LYRM4: variants seen among roughly 807,000 people sequenced by gnomAD.
LYRM4 encodes LYR motif-containing protein 4.
In LYRM4, 9 loss-of-function variants were observed where a neutral mutation model predicts 11.7. That is an observed-to-expected ratio of 0.77 (90% CI 0.46 to 1.34). LYRM4 has a LOEUF of 1.34. Ranked by LOEUF, LYRM4 falls within the 40% of genes most tolerant of loss-of-function variation. The probability of loss-of-function intolerance (pLI) is 0.00; values close to 1 mark genes in which losing one functional copy is unlikely to be tolerated. For synonymous variants in LYRM4, 42 were observed against 40.4 expected (o/e 1.04, Z -0.15); for missense variants, 133 against 112.5 (o/e 1.18, Z -0.82).
chr6:5,068,407 C>G, the LYRM4 span, among the ~76,000 whole-genome samples: 1 of 152,240 alleles, frequency 6.6e-6, no homozygotes, highest in Non-Finnish European at 1.5e-5. This position sits in a 1 kb window ranked among gnomAD's most constrained non-coding sequence, Gnocchi z 4.0. Flanking sequence ...CCACTGTTTA[C>G]TGTCCTGACT....
chr6:5,056,591 T>C, the LYRM4 span, among the ~76,000 whole-genome samples: 1 of 152,238 alleles, frequency 6.6e-6, no homozygotes, highest in African/African-American at 2.4e-5. Context: ...CAGCTTTTCT[T>C]ATCCAATAGC....
intron 1 of LYRM4, among the ~76,000 whole-genome samples, chr6:5,239,373 T>C (rs1316336356): frequency 1.3e-5 from 2 of 152,082 alleles, no homozygotes; most frequent in Non-Finnish European, 2.9e-5. Context: ...TGTGGAGTTT[T>C]AGTTTAGATA....
In LYRM4 at chr6:5,197,941, T is replaced by C. The variant is rs577112800; in HGVS notation, c.207+18677A>G. On this transcript the variant is annotated intron_variant, in intron 2 of 2. Transcript: ENST00000330636. ...AATCCAGCACTTTGGGAGGCTGAGG[T>C]GGGCGGATCACCTGAGGTCAGGAGT... Among the ~76,000 whole-genome samples the C allele has an allele frequency of 1.3e-3, 193 of 151,904 alleles. 1 individual carries two copies. Among genetic ancestry groups the C allele is most frequent in the African/African-American group, 4.3e-3 (180 of 41,456 alleles).
chr6:5,247,946 GA>G (rs1294744282), intron 1 of LYRM4, among the ~76,000 whole-genome samples: 1 of 152,272 alleles, frequency 6.6e-6, no homozygotes, highest in Non-Finnish European at 1.5e-5. Context: ...AAAACTGGAT[GA>G]AAAAGAGAGA....
chr6:5,089,288 C>G, the LYRM4 span: 1 of 152,136 alleles, frequency 6.6e-6, no homozygotes, highest in African/African-American at 2.4e-5. Flanking sequence ...GTCTGATATA[C>G]CATTTCTTAA....
At chr6:5,218,432 A>T in intron 1 of LYRM4, 1 of 970,386 alleles carries the variant, frequency 1.0e-6, no homozygotes, top group Non-Finnish European at 1.2e-6. Flanking sequence ...ATTGTTTCAG[A>T]TAAAGTTTTT....
chr6:5,224,964 A>G (rs1201287241), intron 1 of LYRM4, among the ~76,000 whole-genome samples: 2 of 147,390 alleles, frequency 1.4e-5, no homozygotes, highest in Non-Finnish European at 1.5e-5. Context: ...GTCTGAAAAA[A>G]TAGGCTGGGC....
chr6:5,175,865 A>G (rs1428214997), intron 2 of LYRM4, among the ~76,000 whole-genome samples: 1 of 152,128 alleles, frequency 6.6e-6, no homozygotes, highest in Non-Finnish European at 1.5e-5. Flanking sequence ...AGCCCCGGCC[A>G]CACAGACATT....
At chr6:5,203,248 G>T (rs1358926521) in intron 2 of LYRM4, among the ~76,000 whole-genome samples, 1 of 152,180 alleles carries the variant, frequency 6.6e-6, no homozygotes, top group African/African-American at 2.4e-5. Flanking sequence ...CTGAAGCTCT[G>T]ATTAGGCATA....
chr6:5,103,478 CG>C (rs1561797170), downstream of LYRM4: 1 of 152,196 alleles, frequency 6.6e-6, no homozygotes. Context: ...CATTTGATCA[CG>C]TGGGTTCAGA....
At chr6:5,053,888 A>G in the LYRM4 span, among the ~76,000 whole-genome samples, 2 of 152,166 alleles carry the variant, frequency 1.3e-5, no homozygotes, top group African/African-American at 4.8e-5. Context: ...AAAAAAAGCT[A>G]GAACTCATTC....
chr6:5,260,843 G>A lies in LYRM4; in HGVS notation c.-110C>T, dbSNP rs1765046503. 6.7e-7 allele frequency: 1 copy of A among 1,503,102 alleles called. No individual in the cohort carries two copies. The highest frequency in any genetic ancestry group is 8.8e-7 in the Non-Finnish European group (1 of 1,132,098). The allele number at this position is 1,503,102 out of a possible 1,614,324, so 93.1% of individuals were successfully genotyped here. A position where few individuals can be genotyped will look rare whatever the true frequency, so the allele number is the denominator to read the frequency against. The stretch of plus-strand genomic sequence containing the variant: ...ACCACGAACGAAATAAAATGCTGCG[G>A]CTCGGCTTTGCCAGCGGGCCGGGCC... On this transcript the variant is annotated 5_prime_UTR_variant, in exon 1 of 3. Transcript: ENST00000330636.
chr6:5,151,468 T>G (rs931763743), intron 2 of LYRM4, among the ~76,000 whole-genome samples: 4 of 152,160 alleles, frequency 2.6e-5, no homozygotes, highest in Non-Finnish European at 5.9e-5. Context: ...TTCACAGTTG[T>G]TGCCTCCAGG....
rs576206773 is a variant in LYRM4, at chr6:5,127,493, A to G, written c.208-18002T>C. Among the ~76,000 whole-genome samples, 9 of 152,312 alleles carry G rather than the reference A, an allele frequency of 5.9e-5. No individual in the cohort carries two copies. In the South Asian group the frequency reaches 1.9e-3, roughly 32 times the overall value. On this transcript the variant is annotated intron_variant, in intron 2 of 2. Transcript: ENST00000330636. ...AATATTTCGCAATTACAGCCCCAAT[A>G]CTGTCTAGACTTGTGCTACTCCATT... is the stretch of plus-strand genomic sequence containing the variant.
At chr6:5,134,840 T>G (rs993778029) in intron 2 of LYRM4, among the ~76,000 whole-genome samples, 1 of 148,606 alleles carries the variant, frequency 6.7e-6, no homozygotes, top group Admixed American at 6.7e-5. Context: ...AATGTCTATT[T>G]AAGAGATCTC....
chr6:5,179,907 C>T (rs1017144219), intron 2 of LYRM4, among the ~76,000 whole-genome samples: 1 of 152,186 alleles, frequency 6.6e-6, no homozygotes, highest in Non-Finnish European at 1.5e-5. Flanking sequence ...TATGGCTCTG[C>T]TTATCAATAA....
the LYRM4 span, chr6:5,043,245 T>G: frequency 6.6e-6 from 1 of 151,248 alleles, no homozygotes; most frequent in African/African-American, 2.5e-5. Context: ...GTCCAATTTT[T>G]TTGAGATATA....
At chr6:5,217,415 G>C (rs1762336628) in intron 1 of LYRM4, among the ~76,000 whole-genome samples, 1 of 152,244 alleles carries the variant, frequency 6.6e-6, no homozygotes, top group Non-Finnish European at 1.5e-5. Flanking sequence ...TCCAGAGCAA[G>C]GCTTGCCCAT....
chr6:5,233,655 C>G (rs1053629786), intron 1 of LYRM4, among the ~76,000 whole-genome samples: 11 of 152,172 alleles, frequency 7.2e-5, no homozygotes, highest in African/African-American at 2.4e-4. Flanking sequence ...CTCTCTCTCT[C>G]TTTTTAAAGA....
Sources: allele counts gnomAD v4.1 joint callset (sites outside exome capture counted in the v4.1 genomes callset), GRCh38; gene constraint gnomAD v4.1.1; non-coding constraint Gnocchi (gnomAD v3.1); transcripts MANE v1.5; gene names NCBI Gene and HGNC (gene_info 2026-07-23, HGNC 2026-07-21).